NAV2: variants seen among roughly 807,000 people sequenced by gnomAD.
NAV2 encodes the protein neuron navigator 2.
NAV2 carries 54 observed loss-of-function variants against 223.2 expected under a neutral mutation model. The ratio of observed to expected loss-of-function variants is 0.24; its 90% confidence interval spans 0.19 to 0.30. The LOEUF is 0.30. Among genes scored for constraint, NAV2 ranks in the 10% least tolerant of loss-of-function variants. The pLI, the probability that NAV2 is intolerant of heterozygous loss-of-function variation, is 1.00. For synonymous variants in NAV2, 1,279 were observed against 1,239.3 expected, an observed-to-expected ratio of 1.03 and a Z score of -0.67; for missense variants, 2,806 against 3,147.5, an observed-to-expected ratio of 0.89 and a Z score of 2.60.
At chr11:20,096,517 T>C (rs1298330318) in intron 30 of NAV2, among the ~76,000 whole-genome samples, 1 of 152,174 alleles carries the variant, frequency 6.6e-6, no homozygotes, top group African/African-American at 2.4e-5. Flanking sequence ...TATTATCCCA[T>C]TTAAAGGTGA....
chr11:20,013,795 G>A (rs1007539252), intron 11 of NAV2, among the ~76,000 whole-genome samples: 1 of 152,174 alleles, frequency 6.6e-6, no homozygotes, highest in Non-Finnish European at 1.5e-5. Flanking sequence ...TTTTGAGAAG[G>A]AATTCAGTGG....
chr11:19,798,045 C>T (rs943432268), intron 1 of NAV2, among the ~76,000 whole-genome samples: 2 of 152,142 alleles, frequency 1.3e-5, no homozygotes, highest in African/African-American at 4.8e-5. Flanking sequence ...GATTCCCTCC[C>T]TCTGGTCTCC....
intron 1 of NAV2, among the ~76,000 whole-genome samples, chr11:19,480,229 G>A (rs1308963496): frequency 6.6e-6 from 1 of 152,202 alleles, no homozygotes; most frequent in Admixed American, 6.5e-5. Context: ...TACTCTGAGA[G>A]TCCCAGAGGA....
intron 5 of NAV2, among the ~76,000 whole-genome samples, chr11:19,888,381 A>G (rs2041209720): frequency 6.6e-6 from 1 of 152,142 alleles, no homozygotes; most frequent in South Asian, 2.1e-4. Flanking sequence ...CAGCTGTTCC[A>G]CAGGAGCCAA....
At chr11:19,922,714 C>T (rs1306418087) in intron 6 of NAV2, among the ~76,000 whole-genome samples, 8 of 152,106 alleles carry the variant, frequency 5.3e-5, no homozygotes, top group African/African-American at 1.7e-4. Context: ...TTCTGTTGCC[C>T]GCTTTGAGAA....
intron 1 of NAV2, among the ~76,000 whole-genome samples, chr11:19,702,557 T>C (rs558945559): frequency 1.4e-3 from 214 of 152,200 alleles, no homozygotes; most frequent in Non-Finnish European, 2.6e-3. Flanking sequence ...GGCGGGCAGA[T>C]TGCTTGAGCC....
At chr11:19,548,608 C>T (rs565469671) in intron 1 of NAV2, among the ~76,000 whole-genome samples, 1 of 152,056 alleles carries the variant, frequency 6.6e-6, no homozygotes, top group Admixed American at 6.5e-5. Context: ...GTGGCTCACA[C>T]CTGTAATCCC....
chr11:19,978,069 C>G (rs2049952636), intron 10 of NAV2, among the ~76,000 whole-genome samples: 1 of 151,820 alleles, frequency 6.6e-6, no homozygotes, highest in Non-Finnish European at 1.5e-5. Flanking sequence ...TGGTGATCCA[C>G]CCACCTCAGC....
chr11:19,603,551 C>T (rs1004765634), intron 1 of NAV2, among the ~76,000 whole-genome samples: 2 of 146,338 alleles, frequency 1.4e-5, no homozygotes, highest in Non-Finnish European at 3.0e-5. Flanking sequence ...CGCTTGGACC[C>T]GGGAGGCGGA....
intron 25 of NAV2, among the ~76,000 whole-genome samples, chr11:20,081,641 G>C (rs1252962902): frequency 6.6e-6 from 1 of 152,148 alleles, no homozygotes; most frequent in African/African-American, 2.4e-5. Context: ...ATCAGAGGTA[G>C]GAAATGGGAG....
At position 20,059,149 on chromosome 11, in the gene NAV2, C is replaced by T. The variant is rs372680113; in HGVS notation, c.4832-3158C>T. 3.9e-5 allele frequency among the ~76,000 whole-genome samples: 6 copies of T among 151,950 alleles called. No individual in the cohort carries two copies. The East Asian group carries it at 5.8e-4, about 15-fold the overall frequency. On this transcript the variant is annotated intron_variant, in intron 19 of 37. Transcript: ENST00000349880. ...TGTCTTCTCTGTTTTGTGATGCTTC[C>T]TTTGCTGGTGGAGAGGCAGGGCAGT...
intron 1 of NAV2, among the ~76,000 whole-genome samples, chr11:19,750,658 T>C (rs1357989638): frequency 1.3e-5 from 2 of 152,220 alleles, no homozygotes; most frequent in East Asian, 3.8e-4. Flanking sequence ...TACTGAGTTC[T>C]ATCTCTCACT....
At chr11:19,642,097 C>T (rs903926045) in intron 1 of NAV2, among the ~76,000 whole-genome samples, 1 of 152,134 alleles carries the variant, frequency 6.6e-6, no homozygotes. Flanking sequence ...AAGTTGAAAG[C>T]CTTAGATGAA....
At chr11:19,755,617 C>T (rs956688646) in intron 1 of NAV2, among the ~76,000 whole-genome samples, 2 of 152,238 alleles carry the variant, frequency 1.3e-5, no homozygotes, top group Admixed American at 6.5e-5. Context: ...GCTGGCAATT[C>T]TTGGCATTCC....
intron 1 of NAV2, among the ~76,000 whole-genome samples, chr11:19,736,386 G>C (rs2052303027): frequency 6.6e-6 from 1 of 152,168 alleles, no homozygotes; most frequent in South Asian, 2.1e-4. Flanking sequence ...GCCAGACACA[G>C]GACATGGATT....
intron 37 of NAV2, among the ~76,000 whole-genome samples, chr11:20,115,500 C>T (rs931669960): frequency 6.6e-6 from 1 of 151,816 alleles, no homozygotes; most frequent in Non-Finnish European, 1.5e-5. Context: ...GGCGTGGTGG[C>T]AGGCACCTGT....
At chr11:19,920,774 G>A (rs1433441511) in intron 6 of NAV2, among the ~76,000 whole-genome samples, 1 of 152,082 alleles carries the variant, frequency 6.6e-6, no homozygotes, top group Non-Finnish European at 1.5e-5. Context: ...TAATTCTAAG[G>A]GTAGTCTGAA....
chr11:19,884,237 A>G, intron 5 of NAV2: 1 of 1,280,766 alleles, frequency 7.8e-7, no homozygotes, highest in Non-Finnish European at 1.1e-6. Flanking sequence ...TTGTGTGTCT[A>G]ATGTATCTTC....
intron 2 of NAV2, among the ~76,000 whole-genome samples, chr11:19,834,077 C>T (rs1380560350): frequency 1.3e-5 from 2 of 152,224 alleles, no homozygotes; most frequent in Admixed American, 1.3e-4. Context: ...TCCCTACACT[C>T]AAAGGGGACA....
Sources: allele counts gnomAD v4.1 joint callset (sites outside exome capture counted in the v4.1 genomes callset), GRCh38; gene constraint gnomAD v4.1.1; transcripts MANE v1.5; gene names NCBI Gene and HGNC (gene_info 2026-07-23, HGNC 2026-07-21).